LPCAT1: variants seen among roughly 807,000 people sequenced by gnomAD.
The protein encoded by LPCAT1 is lysophosphatidylcholine acyltransferase 1, also known as 1-acylglycerol-3-phosphate O-acyltransferase.
A neutral mutation model predicts 60.9 loss-of-function variants in LPCAT1; 23 were observed. That is an observed-to-expected ratio of 0.38 (90% confidence interval 0.27 to 0.53). LPCAT1 has a LOEUF of 0.53. Among genes scored for constraint, LPCAT1 ranks in the 20% least tolerant of loss-of-function variants. The probability of loss-of-function intolerance (pLI) is 0.82; values close to 1 mark genes in which losing one functional copy is unlikely to be tolerated. For missense variants in LPCAT1, 622 were observed against 723.6 expected (o/e 0.86, Z 1.61); for synonymous variants, 340 against 301.1 (o/e 1.13, Z -1.34).
At chr5:1,464,676 C>T (rs563372541) in intron 13 of LPCAT1, among the ~76,000 whole-genome samples, 23 of 137,090 alleles carry the variant, frequency 1.7e-4, no homozygotes, top group African/African-American at 5.6e-4. Context: ...CGCACACACA[C>T]GGTAAACAAA....
intron 3 of LPCAT1, among the ~76,000 whole-genome samples, chr5:1,490,936 T>C (rs955555132): frequency 1.3e-5 from 2 of 152,190 alleles, no homozygotes; most frequent in African/African-American, 4.8e-5. Context: ...CTGCTGCAGG[T>C]CAGCCCCACC....
chr5:1,473,627 C>A (rs1387142104), intron 11 of LPCAT1, among the ~76,000 whole-genome samples: 1 of 152,180 alleles, frequency 6.6e-6, no homozygotes, highest in Non-Finnish European at 1.5e-5. Flanking sequence ...AAGAGCAGCT[C>A]TGGTGAGCAG....
chr5:1,500,224 G>T (rs1194307713), intron 2 of LPCAT1, among the ~76,000 whole-genome samples: 2 of 152,348 alleles, frequency 1.3e-5, no homozygotes, highest in East Asian at 3.9e-4. Context: ...CACATGGAAG[G>T]GTTGTCAGAG....
chr5:1,505,740 C>T (rs187787243), intron 1 of LPCAT1, among the ~76,000 whole-genome samples: 97 of 152,384 alleles, frequency 6.4e-4, no homozygotes, highest in African/African-American at 2.2e-3. Flanking sequence ...GCACCTACTC[C>T]TTCGTGCATG....
At chr5:1,512,481 C>T (rs1004446550) in intron 1 of LPCAT1, among the ~76,000 whole-genome samples, 1 of 152,240 alleles carries the variant, frequency 6.6e-6, no homozygotes, top group African/African-American at 2.4e-5. Flanking sequence ...GGGGCAAGCA[C>T]CCTGCAGTCA....
intron 1 of LPCAT1, among the ~76,000 whole-genome samples, chr5:1,506,782 C>T (rs574479215): frequency 3.9e-5 from 6 of 152,340 alleles, no homozygotes; most frequent in Admixed American, 6.5e-5. Context: ...GTGGAGGCAC[C>T]GGGCACAGCC....
Position 1,481,373 on chromosome 5 carries a change from C to G in LPCAT1, c.727-397G>C, listed in dbSNP as rs1217136308. Among the ~76,000 whole-genome samples, 1 of 152,144 alleles carries G rather than the reference C, an allele frequency of 6.6e-6. No homozygotes were observed. Among genetic ancestry groups the G allele is most frequent in the Non-Finnish European group, 1.5e-5 (1 of 68,032 alleles). On this transcript the variant is annotated intron_variant, in intron 6 of 13. Coordinates refer to ENST00000283415, the MANE Select transcript of LPCAT1 (RefSeq NM_024830.5). This position sits in a 1 kb window ranked among gnomAD's most constrained non-coding sequence, Gnocchi z 7.8. ...CTGGGGACACCAATTCCAGTGTGCA[C>G]CCGGGACCCCGGCCCTCTCCTGCCC... is the stretch of plus-strand genomic sequence containing the variant.
At chr5:1,465,530 GCA>G (rs1430241041) in intron 13 of LPCAT1, among the ~76,000 whole-genome samples, 6 of 143,708 alleles carry the variant, frequency 4.2e-5, no homozygotes, top group Non-Finnish European at 6.1e-5. Flanking sequence ...CACAAAACAA[GCA>G]CACGCACACA....
At position 1,523,741 on chromosome 5, in the gene LPCAT1, T is replaced by C; in HGVS notation, c.104A>G (p.Glu35Gly). The C allele has an allele frequency of 8.5e-7, 1 of 1,175,696 alleles. No homozygotes were observed. The highest frequency in any genetic ancestry group is 2.3e-5 in the South Asian group (1 of 44,036). The allele number at this position is 1,175,696 out of a possible 1,614,324, so 72.8% of individuals were successfully genotyped here. ...CTTCTGCAGGGCGCTGAGGCGCAGC[T>C]CGTGCACGAAGGGGTTCCGCCCCGG... is the stretch of plus-strand genomic sequence containing the variant. The part of the protein sequence containing the change: ...APPGRNPFVH[E>G]LRLSALQKAQ... The change falls in exon 1 of 14, where the codon GAG becomes GGG. Residue 35 changes from glutamate to glycine, a missense_variant. By Grantham distance (98) the Glu-to-Gly change is moderately conservative (BLOSUM62 -2). This residue lies in a region of LPCAT1 where 125 missense variants were observed against 114.5 expected (regional missense o/e 1.09). Coordinates refer to ENST00000283415, the MANE Select transcript of LPCAT1 (RefSeq NM_024830.5). The surrounding 1 kb of genome is among the most constrained non-coding windows in gnomAD (Gnocchi z 7.1).
At chr5:1,490,003 TC>T in intron 3 of LPCAT1, 145 bp from the exon 4 acceptor site, 1 of 675,098 alleles carries the variant, frequency 1.5e-6, no homozygotes, top group Non-Finnish European at 2.7e-6. Context: ...GGGCTGTGAG[TC>T]CCTGACTGAG....
rs960428735 is a variant in LPCAT1, at chr5:1,489,962, C to T, written c.494-104G>A. On this transcript the variant is annotated intron_variant, in intron 3 of 13. Coordinates refer to ENST00000283415, the MANE Select transcript of LPCAT1 (RefSeq NM_024830.5). ...GCATGGCGCCCAGTGGGGCGGGAGA[C>T]TCCAGATGCCCCAGGGGCTGTGCCA... 8 of 810,474 alleles carry T rather than the reference C, an allele frequency of 9.9e-6. No individual in the cohort carries two copies. The African/African-American group carries it at 1.4e-4, about 14-fold the overall frequency. The allele number at this position is 810,474 out of a possible 1,614,324, so 50.2% of individuals were successfully genotyped here.
intron 1 of LPCAT1, among the ~76,000 whole-genome samples, chr5:1,515,413 A>C (rs1047072252): frequency 4.7e-5 from 7 of 149,236 alleles, no homozygotes; most frequent in Admixed American, 3.3e-4. Context: ...TGCCCTGTAC[A>C]CCCTGCGCCA....
chr5:1,497,953 G>A (rs1261846717), intron 2 of LPCAT1, among the ~76,000 whole-genome samples: 1 of 152,228 alleles, frequency 6.6e-6, no homozygotes, highest in African/African-American at 2.4e-5. Flanking sequence ...GTCGGGTTTT[G>A]CAAAACGATG....
Position 1,494,770 on chromosome 5 carries a change from G to A in LPCAT1, c.423C>T (p.Ala141=), listed in dbSNP as rs200284248. 6.2e-7 allele frequency: 1 copy of A among 1,614,222 alleles called. No individual in the cohort carries two copies. Among genetic ancestry groups the A allele is most frequent in the Non-Finnish European group, 8.5e-7 (1 of 1,180,026 alleles). Residue 141 remains alanine, a synonymous_variant, in exon 3 of 14, where the codon GCC becomes GCT. Transcript: ENST00000283415. ...TLAPHSSYFD[A]IPVTMTMSSI... ...AGGACATCGTCATGGTCACAGGGAT[G>A]GCGTCGAAGTAGGACGAGTGAGGCG...
chr5:1,497,315 CA>C, intron 2 of LPCAT1, among the ~76,000 whole-genome samples: 1 of 152,372 alleles, frequency 6.6e-6, no homozygotes, highest in South Asian at 2.1e-4. Context: ...TGCATCTCCT[CA>C]AGCCAGCTGG....
chr5:1,497,579 G>A (rs530524305), intron 2 of LPCAT1, among the ~76,000 whole-genome samples: 5 of 152,370 alleles, frequency 3.3e-5, no homozygotes, highest in Admixed American at 2.0e-4. Flanking sequence ...GGTGATCCAC[G>A]TGGACTGGCT....
chr5:1,477,380 T>C lies in LPCAT1; in HGVS notation c.899+24A>G, dbSNP rs765754186. 3.7e-6 allele frequency: 6 copies of C among 1,604,144 alleles called. No homozygotes were observed. Among genetic ancestry groups the C allele is most frequent in the Non-Finnish European group, 4.3e-6 (5 of 1,171,640 alleles). On this transcript the variant is annotated intron_variant, in intron 9 of 13. Transcript: ENST00000283415. The surrounding 1 kb of genome is among the most constrained non-coding windows in gnomAD (Gnocchi z 6.0). ...CTGGGAGACACCCCTGACTCGGCGA[T>C]GGGGGAAGGAGCTGCTCACTTACTC...
At chr5:1,490,092 C>G (rs919243581) in intron 3 of LPCAT1, among the ~76,000 whole-genome samples, 1 of 152,252 alleles carries the variant, frequency 6.6e-6, no homozygotes, top group Admixed American at 6.5e-5. Context: ...AAGTAACAAA[C>G]AGCAAGTCCA....
intron 13 of LPCAT1, among the ~76,000 whole-genome samples, chr5:1,464,785 T>C (rs1300058470): frequency 2.2e-4 from 31 of 142,022 alleles, no homozygotes; most frequent in African/African-American, 7.7e-4. Flanking sequence ...CAAACACACG[T>C]GCGCGCACAC....
Sources: gnomAD v4.1 joint callset for allele counts (sites outside exome capture counted in the v4.1 genomes callset) on GRCh38, gnomAD v4.1.1 for gene constraint, gnomAD v4.1.1 regional missense constraint, Gnocchi (gnomAD v3.1) non-coding constraint, MANE v1.5 for transcripts, NCBI Gene and HGNC (gene_info 2026-07-23, HGNC 2026-07-21) for gene names.